The following FBXW8 variants were observed in gnomAD, a reference collection of about 807,000 sequenced individuals.
The protein encoded by FBXW8 is F-box and WD repeat domain containing 8, also known as F-box/WD repeat-containing protein 8.
A neutral mutation model predicts 65.3 loss-of-function variants in FBXW8; 57 were observed. That is an observed-to-expected ratio of 0.87 (90% confidence interval 0.71 to 1.09). FBXW8 has a LOEUF of 1.09. Among genes scored for constraint, FBXW8 ranks in the 50% least tolerant of loss-of-function variants. The probability of loss-of-function intolerance (pLI) is 0.00; values close to 1 mark genes in which losing one functional copy is unlikely to be tolerated. For missense variants in FBXW8, 777 were observed against 814.8 expected (o/e 0.95, Z 0.57); for synonymous variants, 308 against 330.2 (o/e 0.93, Z 0.73).
intron 8 of FBXW8, among the ~76,000 whole-genome samples, chr12:117,019,198 C>T (rs1250113439): frequency 6.6e-6 from 1 of 152,204 alleles, no homozygotes; most frequent in Non-Finnish European, 1.5e-5. Context: ...GACTGAGCAG[C>T]ATTTGTAGCA....
chr12:116,970,860 A>G (rs1884608586), intron 5 of FBXW8, among the ~76,000 whole-genome samples: 1 of 152,104 alleles, frequency 6.6e-6, no homozygotes, highest in Non-Finnish European at 1.5e-5. Context: ...AAAAGTTTCA[A>G]TCATCAGTTC....
intron 5 of FBXW8, among the ~76,000 whole-genome samples, chr12:116,966,133 C>T (rs4074147): frequency 0.75 from 113,339 of 151,904 alleles, 44,566 homozygotes; most frequent in Non-Finnish European, 0.86. Context: ...GTAGACACTA[C>T]TGATGGATTT....
At chr12:116,965,614 G>T (rs1007573944) in intron 5 of FBXW8, among the ~76,000 whole-genome samples, 1 of 152,174 alleles carries the variant, frequency 6.6e-6, no homozygotes, top group African/African-American at 2.4e-5. Context: ...AGAATGTTAA[G>T]TGTTCATGTC....
Position 117,001,766 on chromosome 12 carries a change from C to T in FBXW8, c.1240-8557C>T, listed in dbSNP as rs570281987. ...GCTCCCAGTCAGTCATACATTTGCA[C>T]GATGGTTATCATCTCTTCGCTGGAC... On this transcript the variant is annotated intron_variant, in intron 7 of 10. Coordinates refer to ENST00000652555, the MANE Select transcript of FBXW8 (RefSeq NM_153348.3). Among the ~76,000 whole-genome samples, 37 of 152,268 alleles carry T rather than the reference C, an allele frequency of 2.4e-4. 1 individual carries two copies. Among genetic ancestry groups the T allele is most frequent in the Middle Eastern group, 3.4e-3 (1 of 294 alleles).
intron 3 of FBXW8, among the ~76,000 whole-genome samples, chr12:116,946,453 G>A (rs1882942688): frequency 6.6e-6 from 1 of 152,114 alleles, no homozygotes; most frequent in Non-Finnish European, 1.5e-5. Flanking sequence ...GTTTTGTGCG[G>A]GGCTGTCCTG....
At chr12:116,998,907 G>A (rs141383937) in intron 7 of FBXW8, among the ~76,000 whole-genome samples, 143 of 152,248 alleles carry the variant, frequency 9.4e-4, no homozygotes, top group African/African-American at 3.2e-3. Context: ...AATACACATC[G>A]CAGCTTAGAC....
chr12:116,995,637 T>C (rs574782492), intron 7 of FBXW8, among the ~76,000 whole-genome samples: 9 of 152,032 alleles, frequency 5.9e-5, no homozygotes, highest in African/African-American at 1.9e-4. Flanking sequence ...TTTTTACTTT[T>C]GGACAAAAAT....
chr12:116,990,188 G>A (rs1393756154), intron 7 of FBXW8, among the ~76,000 whole-genome samples: 2 of 152,218 alleles, frequency 1.3e-5, no homozygotes, highest in Non-Finnish European at 2.9e-5. Context: ...AGCGGTAGAC[G>A]ATATGTGTGG....
In FBXW8 at chr12:116,949,906, G is replaced by T. The variant is rs548890737; in HGVS notation, c.677+200G>T. On this transcript the variant is annotated intron_variant, in intron 4 of 10. Coordinates refer to ENST00000652555, the MANE Select transcript of FBXW8 (RefSeq NM_153348.3). Reference sequence around the variant, plus strand: ...GCGCAGCAAGGGTGAGAAGCACATGGTGTAGAGCGGATCTGTGATCCATTT... The same window carrying T: ...GCGCAGCAAGGGTGAGAAGCACATGTTGTAGAGCGGATCTGTGATCCATTT... The T allele has an allele frequency of 7.3e-4, 416 of 566,530 alleles. 1 individual carries two copies. The highest frequency in any genetic ancestry group is 7.2e-3 in the African/African-American group (384 of 53,624). The allele number at this position is 566,530 out of a possible 1,614,324, so 35.1% of individuals were successfully genotyped here.
rs186277002 is a variant in FBXW8 at position 116,961,872 on chromosome 12, G to C, written c.678-2825G>C. 1.7e-3 allele frequency among the ~76,000 whole-genome samples: 263 copies of C among 152,298 alleles called. 1 individual carries two copies. The highest frequency in any genetic ancestry group is 3.1e-3 in the Non-Finnish European group (208 of 68,018). ...AGGTGTTTTGAAGGGCTTGGCTTGT[G>C]GGGGGAGGATTGAATGGAAGAAGCT... On this transcript the variant is annotated intron_variant, in intron 4 of 10. Transcript: ENST00000652555. The surrounding 1 kb of genome is among the most constrained non-coding windows in gnomAD (Gnocchi z 4.4).
At chr12:116,929,246 T>G (rs528268825) in intron 2 of FBXW8, among the ~76,000 whole-genome samples, 1 of 152,136 alleles carries the variant, frequency 6.6e-6, no homozygotes, top group Non-Finnish European at 1.5e-5. Context: ...TTTTCTTTTC[T>G]TTTTTTGAGA....
chr12:117,011,127 CTTT>C (rs397946872), intron 8 of FBXW8, among the ~76,000 whole-genome samples: 17 of 122,170 alleles, frequency 1.4e-4, no homozygotes, highest in Admixed American at 8.1e-5. Context: ...TTTTCTTTTC[CTTT>C]TTTTTTTTTT....
At chr12:117,020,142 A>G (rs1171208838) in intron 8 of FBXW8, among the ~76,000 whole-genome samples, 1 of 152,198 alleles carries the variant, frequency 6.6e-6, no homozygotes, top group Non-Finnish European at 1.5e-5. Context: ...CACTGTATGG[A>G]TGTACCATAA....
In FBXW8 at chr12:116,954,012, G is replaced by T. The variant is rs534827231; in HGVS notation, c.677+4306G>T. ...ACCTGTAATCCTAGCTACTTGGGAG[G>T]CTGAGGCAGGAGAATTATTTGAACC... On this transcript the variant is annotated intron_variant, in intron 4 of 10. Transcript: ENST00000652555. 4.0e-5 allele frequency among the ~76,000 whole-genome samples: 6 copies of T among 151,470 alleles called. No individual in the cohort carries two copies. The South Asian group carries it at 6.3e-4, about 16-fold the overall frequency.
chr12:116,926,557 G>GGGAT (rs1360813744), intron 1 of FBXW8, among the ~76,000 whole-genome samples: 1 of 152,030 alleles, frequency 6.6e-6, no homozygotes, highest in African/African-American at 2.4e-5. Flanking sequence ...GTTGTGGGAG[G>GGGAT]GGATGGAGCC....
At chr12:117,001,767 G>A (rs1953527628) in intron 7 of FBXW8, among the ~76,000 whole-genome samples, 1 of 152,156 alleles carries the variant, frequency 6.6e-6, no homozygotes, top group African/African-American at 2.4e-5. Flanking sequence ...ACATTTGCAC[G>A]ATGGTTATCA....
At chr12:116,959,736 A>G (rs958879403) in intron 4 of FBXW8, among the ~76,000 whole-genome samples, 8 of 152,140 alleles carry the variant, frequency 5.3e-5, no homozygotes, top group Admixed American at 1.3e-4. Context: ...TAAATTGTCA[A>G]TCCCTCTGTC....
chr12:116,980,626 A>C (rs1047280388), intron 5 of FBXW8, among the ~76,000 whole-genome samples: 6 of 151,658 alleles, frequency 4.0e-5, no homozygotes, highest in African/African-American at 1.5e-4. Flanking sequence ...TATCAGATTT[A>C]AAAAAAAATA....
At chr12:116,914,450 G>A (rs564904179) in intron 1 of FBXW8, among the ~76,000 whole-genome samples, 3 of 150,580 alleles carry the variant, frequency 2.0e-5, no homozygotes, top group African/African-American at 7.3e-5. Context: ...GCATGTTCCT[G>A]TAGTCCTCAC....
Sources: gnomAD v4.1 joint callset for allele counts (sites outside exome capture counted in the v4.1 genomes callset) on GRCh38, gnomAD v4.1.1 for gene constraint, Gnocchi (gnomAD v3.1) non-coding constraint, MANE v1.5 for transcripts, NCBI Gene and HGNC (gene_info 2026-07-23, HGNC 2026-07-21) for gene names.